Variants in CEP126 observed in about 807,000 individuals in gnomAD.
The protein encoded by CEP126 is centrosomal protein of 126 kDa.
In CEP126, 74 loss-of-function variants were observed where a neutral mutation model predicts 107.8. The ratio of observed to expected loss-of-function variants is 0.69; its 90% CI spans 0.57 to 0.83. The LOEUF is 0.83. Ranked by LOEUF, CEP126 falls within the 40% of genes least tolerant of loss-of-function variation. The probability of loss-of-function intolerance (pLI) is 0.00; values close to 1 mark genes in which losing one functional copy is unlikely to be tolerated. For missense variants in CEP126, 1,237 were observed against 1,281.9 expected, an observed-to-expected ratio of 0.96 and a Z score of 0.53; for synonymous variants, 449 against 446.0, an observed-to-expected ratio of 1.01 and a Z score of -0.08.
chr11:101,964,934 T>C (rs1389122335), intron 6 of CEP126, among the ~76,000 whole-genome samples: 2 of 152,216 alleles, frequency 1.3e-5, no homozygotes, highest in African/African-American at 2.4e-5. Context: ...TTAAAACTTT[T>C]GTTAAATTGA....
In CEP126 at chr11:101,963,449, A is replaced by C; in HGVS notation, c.2414A>C (p.Gln805Pro). 1 of 1,614,082 alleles carries C rather than the reference A, an allele frequency of 6.2e-7. No homozygotes were observed. Among genetic ancestry groups the C allele is most frequent in the Non-Finnish European group, 8.5e-7 (1 of 1,180,002 alleles). ...TTAATTATACCTTGTCCTCCTCCTC[A>C]ATCTACATCAAATATTAGAAGTGGT... Reference protein sequence around the residue: ...GKLIIPCPPPQSTSNIRSGKN... With the variant: ...GKLIIPCPPPPSTSNIRSGKN... The change falls in exon 6 of 11, where the codon CAA (glutamine) becomes CCA (proline). Residue 805 changes from glutamine (Q) to proline (P), a missense_variant. Coordinates refer to ENST00000263468, the MANE Select transcript of CEP126 (RefSeq NM_020802.4).
Position 101,962,979 on chromosome 11 carries a change from A to C in CEP126, c.1944A>C (p.Ser648=), listed in dbSNP as rs201937096. 6.2e-7 allele frequency: 1 copy of C among 1,612,692 alleles called. No individual in the cohort carries two copies. The highest frequency in any genetic ancestry group is 1.1e-5 in the South Asian group (1 of 90,648). Residue 648 remains serine (S), a synonymous_variant, in exon 6 of 11, where the codon TCA becomes TCC. Coordinates refer to ENST00000263468, the MANE Select transcript of CEP126 (RefSeq NM_020802.4). Reference sequence around the variant, plus strand: ...AAAACAATGCTGAAAACAGTCATTCACTGAAGAATAAAACAGGAACAACTC... The same window carrying C: ...AAAACAATGCTGAAAACAGTCATTCCCTGAAGAATAAAACAGGAACAACTC... The part of the protein sequence containing the change: ...NIENNAENSH[S]LKNKTGTTQQ...
At chr11:101,990,999 C>A (rs1488890729) in intron 9 of CEP126, among the ~76,000 whole-genome samples, 1 of 151,944 alleles carries the variant, frequency 6.6e-6, no homozygotes, top group African/African-American at 2.4e-5. Flanking sequence ...TGGTGAAACC[C>A]TGTCTCTACA....
chr11:101,972,517 G>T (rs1941143713), intron 6 of CEP126, among the ~76,000 whole-genome samples: 1 of 151,282 alleles, frequency 6.6e-6, no homozygotes, highest in Non-Finnish European at 1.5e-5. Flanking sequence ...AGAATTTCAT[G>T]TTAAGCCCAG....
chr11:101,935,366 A>G (rs945552682), intron 2 of CEP126, among the ~76,000 whole-genome samples: 1 of 152,036 alleles, frequency 6.6e-6, no homozygotes, highest in African/African-American at 2.4e-5. Flanking sequence ...ATGACGTACA[A>G]TTATCAATTG....
At chr11:101,985,738 A>G (rs1941309367) in intron 8 of CEP126, among the ~76,000 whole-genome samples, 1 of 152,228 alleles carries the variant, frequency 6.6e-6, no homozygotes, top group African/African-American at 2.4e-5. Flanking sequence ...AAAATATACA[A>G]AAGTGTTGCT....
intron 7 of CEP126, among the ~76,000 whole-genome samples, chr11:101,980,827 C>T (rs145116677): frequency 6.6e-6 from 1 of 152,292 alleles, no homozygotes; most frequent in East Asian, 1.9e-4. Context: ...ACGAGGGTTT[C>T]AGTCCAAGGT....
chr11:101,936,888 G>T lies in CEP126; in HGVS notation c.249-7377G>T, dbSNP rs144068401. Reference sequence around the variant, plus strand: ...ACATTCCATGGATAACCCTCATTTGGTAATGATATGTTATTTTTATAAACT... The same window carrying T: ...ACATTCCATGGATAACCCTCATTTGTTAATGATATGTTATTTTTATAAACT... On this transcript the variant is annotated intron_variant, in intron 2 of 10. Transcript: ENST00000263468. 5.9e-5 allele frequency among the ~76,000 whole-genome samples: 9 copies of T among 152,100 alleles called. No individual in the cohort carries two copies. The East Asian group carries it at 1.7e-3, about 29-fold the overall frequency.
chr11:101,968,696 A>G (rs1941089076), intron 6 of CEP126, among the ~76,000 whole-genome samples: 1 of 152,210 alleles, frequency 6.6e-6, no homozygotes, highest in Non-Finnish European at 1.5e-5. Context: ...AAAAAGGAAC[A>G]AAGATTGTTA....
At position 101,915,298 on chromosome 11, in the gene CEP126, G is replaced by A. The variant is rs1044020803; in HGVS notation, c.14G>A (p.Arg5Lys). The change falls in exon 1 of 11, where the codon AGG becomes AAG. Residue 5 changes from arginine to lysine, a missense_variant. Transcript: ENST00000263468. MLAG[R>K]PGTRSAVGEL... ...CTGAAGTGAAGGATGCTGGCGGGGA[G>A]GCCCGGAACCCGGAGCGCGGTCGGG... The A allele has an allele frequency of 6.2e-7, 1 of 1,613,666 alleles. No individual in the cohort carries two copies.
In CEP126 at chr11:102,000,425, G is replaced by C. The variant is rs2137143703; in HGVS notation, c.*2782G>C. On this transcript the variant is annotated 3_prime_UTR_variant, in exon 11 of 11. Coordinates refer to ENST00000263468, the MANE Select transcript of CEP126 (RefSeq NM_020802.4). ...AGGCCGGACATGCTGGCTCATACCT[G>C]TAATCCCAGAACTTTGGGAGGCCGA... 6.6e-6 allele frequency: 1 copy of C among 152,190 alleles called. No homozygotes were observed. Among genetic ancestry groups the C allele is most frequent in the South Asian group, 2.1e-4 (1 of 4,818 alleles). 9.4% of individuals were successfully genotyped at this position (152,190 alleles called of 1,614,324 possible). A position where few individuals can be genotyped will look rare whatever the true frequency, so the allele number is the denominator to read the frequency against.
intron 2 of CEP126, among the ~76,000 whole-genome samples, chr11:101,943,366 C>CTTTAGAAAGAT (rs1234251757): frequency 1.3e-5 from 2 of 151,966 alleles, no homozygotes; most frequent in East Asian, 3.8e-4. Context: ...CAGGAGAGGT[C>CTTTAGAAAGAT]TTTAGAAAGA....
chr11:101,931,956 G>A (rs529239281), intron 2 of CEP126, among the ~76,000 whole-genome samples: 2 of 152,334 alleles, frequency 1.3e-5, no homozygotes, highest in East Asian at 3.9e-4. Flanking sequence ...GAGCCAAGGT[G>A]CTCTACATGT....
At chr11:101,958,421 C>G (rs1940929196) in intron 5 of CEP126, 55 bp downstream of exon 5, 5 of 1,489,738 alleles carry the variant, frequency 3.4e-6, no homozygotes, top group Middle Eastern at 2.2e-4. Context: ...TAATTTTGCT[C>G]CACTTTTGCA....
chr11:101,972,767 C>G (rs1394400330), intron 6 of CEP126, among the ~76,000 whole-genome samples: 3 of 152,132 alleles, frequency 2.0e-5, no homozygotes, highest in African/African-American at 7.2e-5. Context: ...CGCCATTGCA[C>G]TCCAGCCTGG....
intron 9 of CEP126, among the ~76,000 whole-genome samples, chr11:101,988,404 G>A (rs1406267537): frequency 6.6e-6 from 1 of 152,074 alleles, no homozygotes; most frequent in African/African-American, 2.4e-5. Context: ...ATGATATAGA[G>A]CTTAAAAGAC....
chr11:101,943,788 T>C (rs1188177147), intron 2 of CEP126, among the ~76,000 whole-genome samples: 1 of 152,084 alleles, frequency 6.6e-6, no homozygotes, highest in Non-Finnish European at 1.5e-5. Flanking sequence ...TTTGTGTAAA[T>C]TTCCTGAATT....
intron 5 of CEP126, among the ~76,000 whole-genome samples, chr11:101,958,683 C>G: frequency 6.6e-6 from 1 of 152,184 alleles, no homozygotes; most frequent in East Asian, 1.9e-4. Flanking sequence ...TGTTTGTAAT[C>G]TATCCCTAGT....
chr11:101,944,189 A>G, intron 2 of CEP126, 76 bp from the exon 3 acceptor site: 1 of 1,314,168 alleles, frequency 7.6e-7, no homozygotes, highest in Non-Finnish European at 1.0e-6. Context: ...ATTGTTATAT[A>G]ATAAATGCGT....
Sources: allele counts gnomAD v4.1 joint callset (sites outside exome capture counted in the v4.1 genomes callset), GRCh38; gene constraint gnomAD v4.1.1; transcripts MANE v1.5; gene names NCBI Gene and HGNC (gene_info 2026-07-23, HGNC 2026-07-21).